The following OTOGL variants were observed in gnomAD, a reference collection of about 807,000 sequenced individuals.
The protein encoded by OTOGL is otogelin-like protein.
OTOGL carries 285 observed loss-of-function variants against 318.5 expected under a neutral mutation model. The observed-to-expected ratio is 0.89, with a 90% CI of 0.81 to 0.99. The LOEUF is 0.99. Ranked by LOEUF, OTOGL falls within the 50% of genes least tolerant of loss-of-function variation. The probability of loss-of-function intolerance (pLI) is 0.00; values close to 1 mark genes in which losing one functional copy is unlikely to be tolerated. For synonymous variants in OTOGL, 987 were observed against 936.5 expected, an observed-to-expected ratio of 1.05 and a Z score of -0.99; for missense variants, 2,899 against 2,845.6, an observed-to-expected ratio of 1.02 and a Z score of -0.43.
intron 1 of OTOGL, among the ~76,000 whole-genome samples, chr12:80,114,626 G>A (rs1870049618): frequency 6.6e-6 from 1 of 152,072 alleles, no homozygotes; most frequent in African/African-American, 2.4e-5. Flanking sequence ...TCTTTGTGGT[G>A]TTCTCTGTAT....
At chr12:80,159,889 T>C (rs11836884) in intron 1 of OTOGL, among the ~76,000 whole-genome samples, 1,923 of 152,080 alleles carry the variant, frequency 0.013, 47 homozygotes, top group African/African-American at 0.043. Flanking sequence ...GTGGTACTTG[T>C]ATAAAAATAG....
chr12:80,302,105 T>C (rs1252976146), intron 27 of OTOGL, among the ~76,000 whole-genome samples: 1 of 152,216 alleles, frequency 6.6e-6, no homozygotes, highest in African/African-American at 2.4e-5. Context: ...ACTTCACAGC[T>C]TCTTTTTGCC....
At chr12:80,312,628 G>T (rs573003462) in intron 30 of OTOGL, among the ~76,000 whole-genome samples, 3 of 152,216 alleles carry the variant, frequency 2.0e-5, no homozygotes, top group South Asian at 2.1e-4. Context: ...AAAAAGGGTT[G>T]CTTTTGAGAC....
At chr12:80,307,724 G>T (rs1224256227) in intron 29 of OTOGL, among the ~76,000 whole-genome samples, 57 of 145,274 alleles carry the variant, frequency 3.9e-4, no homozygotes, top group Admixed American at 6.8e-4. Context: ...GGACGGGGCG[G>T]CTGGCCGAGC....
chr12:80,126,692 T>A (rs1361201523), intron 1 of OTOGL, among the ~76,000 whole-genome samples: 1 of 152,202 alleles, frequency 6.6e-6, no homozygotes, highest in Admixed American at 6.5e-5. Context: ...TTTGTAGGTC[T>A]CTAAGGACTT....
chr12:80,256,247 T>C lies in OTOGL; in HGVS notation c.1588-90T>C, dbSNP rs73358932. On this transcript the variant is annotated intron_variant, in intron 16 of 58. Coordinates refer to ENST00000547103, the MANE Select transcript of OTOGL (RefSeq NM_001378609.3). ...GTTCTCTCCTCTCTCTTTCTCCCCT[T>C]CTCCCTTTCTCCCATCTCCACCTTC... 4.7e-3 allele frequency: 6,571 copies of C among 1,385,398 alleles called. 256 individuals carry two copies. In the African/African-American group the frequency reaches 0.082, roughly 17 times the overall value. 85.8% of individuals were successfully genotyped at this position (1,385,398 alleles called of 1,614,324 possible).
At chr12:80,175,765 T>A (rs1874487607) in intron 1 of OTOGL, among the ~76,000 whole-genome samples, 1 of 152,164 alleles carries the variant, frequency 6.6e-6, no homozygotes, top group South Asian at 2.1e-4. Flanking sequence ...GCATCCTGCC[T>A]GATTCACTTA....
intron 1 of OTOGL, among the ~76,000 whole-genome samples, chr12:80,181,322 T>A (rs1874904824): frequency 7.1e-6 from 1 of 140,178 alleles, no homozygotes; most frequent in African/African-American, 2.8e-5. Context: ...TTTTTCTTTT[T>A]AAATTTACTT....
chr12:80,288,924 T>C (rs1884834218), intron 26 of OTOGL, among the ~76,000 whole-genome samples: 1 of 152,080 alleles, frequency 6.6e-6, no homozygotes, highest in African/African-American at 2.4e-5. Flanking sequence ...TCATTCTCTG[T>C]CCAGTTTTGT....
At chr12:80,322,176 G>A (rs1887380645) in intron 34 of OTOGL, among the ~76,000 whole-genome samples, 1 of 152,150 alleles carries the variant, frequency 6.6e-6, no homozygotes, top group South Asian at 2.1e-4. Flanking sequence ...CAAGGGGAGA[G>A]CTGTCCTCCT....
intron 6 of OTOGL, among the ~76,000 whole-genome samples, chr12:80,220,270 C>T (rs1255206379): frequency 6.6e-6 from 1 of 152,072 alleles, no homozygotes; most frequent in Non-Finnish European, 1.5e-5. Flanking sequence ...AGCGATTCTC[C>T]CACCTCAGCC....
At position 80,226,177 on chromosome 12, in the gene OTOGL, AACACACACACACACAC is replaced by A. The variant is rs35975748; in HGVS notation, c.490-3049_490-3034del. On this transcript the variant is annotated intron_variant, in intron 7 of 58. Transcript: ENST00000547103. Reference sequence around the variant, plus strand: ...TAGTTATGCCACCCTTCCTGCTCCTAACACACACACACACACACACACACACACACACACACACACA... The same window carrying A: ...TAGTTATGCCACCCTTCCTGCTCCTAACACACACACACACACACACACACA... 1.3e-3 allele frequency among the ~76,000 whole-genome samples: 178 copies of A among 132,958 alleles called. 1 individual carries two copies. The highest frequency in any genetic ancestry group is 7.7e-3 in the South Asian group (29 of 3,762). 87.2% of individuals were successfully genotyped at this position (132,958 alleles called of 152,430 possible).
chr12:80,313,394 AAC>A (rs1274111007), intron 30 of OTOGL, 80 bp from the exon 31 acceptor site: 15 of 1,361,084 alleles, frequency 1.1e-5, no homozygotes, highest in African/African-American at 1.0e-4. Flanking sequence ...AAACTTTGAA[AAC>A]ACATAGTTTT....
chr12:80,267,127 C>G, intron 21 of OTOGL, 126 bp from the exon 22 acceptor site: 1 of 423,056 alleles, frequency 2.4e-6, no homozygotes, highest in Non-Finnish European at 4.0e-6. Context: ...TGCATGCAGT[C>G]TTGTAGAATA....
At chr12:80,323,891 G>A in intron 35 of OTOGL, 51 bp downstream of exon 35, 1 of 1,379,158 alleles carries the variant, frequency 7.3e-7, no homozygotes, top group Non-Finnish European at 1.0e-6. Flanking sequence ...AGCAAATTCT[G>A]TTTTCAGTTG....
intron 1 of OTOGL, among the ~76,000 whole-genome samples, chr12:80,144,612 A>G (rs1324966448): frequency 6.6e-6 from 1 of 151,874 alleles, no homozygotes; most frequent in Non-Finnish European, 1.5e-5. Context: ...CTAGTTCTAG[A>G]TCCCTGAGGA....
chr12:80,312,623 G>T lies in OTOGL; in HGVS notation c.3451-853G>T, dbSNP rs57681087. Among the ~76,000 whole-genome samples the T allele has an allele frequency of 1.8e-4, 27 of 152,152 alleles. 1 individual carries two copies. The highest frequency in any genetic ancestry group is 1.5e-3 in the South Asian group (7 of 4,822). On this transcript the variant is annotated intron_variant, in intron 30 of 58. Transcript: ENST00000547103. ...TAGACTAAAGTCTTGTTTATAAAAA[G>T]GGTTGCTTTTGAGACTTTTCAGAGT...
chr12:80,255,334 A>G (rs2137517572), intron 16 of OTOGL, 149 bp downstream of exon 16: 1 of 834,042 alleles, frequency 1.2e-6, no homozygotes, highest in Middle Eastern at 3.2e-4. Flanking sequence ...TCATTATTCT[A>G]CATATTAGAA....
At position 80,279,174 on chromosome 12, in the gene OTOGL, A is replaced by G. The variant is rs1315413398; in HGVS notation, c.2928+8A>G. ...CAGGTGTTTTTGATAAAGGTAGGTC[A>G]CAGTTACACATTTTTATTTGCATTC... On this transcript the variant is annotated splice_region_variant and intron_variant, in intron 26 of 58. Transcript: ENST00000547103. 5.1e-6 allele frequency: 8 copies of G among 1,578,062 alleles called. No individual in the cohort carries two copies. The highest frequency in any genetic ancestry group is 6.0e-6 in the Non-Finnish European group (7 of 1,169,574).
Sources: allele counts gnomAD v4.1 joint callset (sites outside exome capture counted in the v4.1 genomes callset), GRCh38; gene constraint gnomAD v4.1.1; transcripts MANE v1.5; gene names NCBI Gene and HGNC (gene_info 2026-07-23, HGNC 2026-07-21).